The following C5AR2 variants were observed in gnomAD, a reference collection of about 807,000 sequenced individuals.
C5AR2 encodes the protein complement C5a receptor 2.
For missense variants in C5AR2, 458 were observed against 467.5 expected, an observed-to-expected ratio of 0.98 and a Z score of 0.19; for synonymous variants, 224 against 216.5, an observed-to-expected ratio of 1.03 and a Z score of -0.30.
Position 47,346,713 on chromosome 19 carries a change from A to AG in C5AR2, c.*4900_*4901insG. Reference sequence around the variant, plus strand: ...GAGCAAGACTCCGTCTAAAAAAAAAAAATAGTAAGAAAGAAGGAAAGACAC... The same window carrying AG: ...GAGCAAGACTCCGTCTAAAAAAAAAAGAATAGTAAGAAAGAAGGAAAGACAC... On this transcript the variant is annotated 3_prime_UTR_variant, in exon 2 of 2. Coordinates refer to ENST00000595464, the MANE Select transcript of C5AR2 (RefSeq NM_001271749.2). 1 of 152,216 alleles carries AG rather than the reference A, an allele frequency of 6.6e-6. No homozygotes were observed. The highest frequency in any genetic ancestry group is 1.9e-4 in the East Asian group (1 of 5,204). 9.4% of individuals were successfully genotyped at this position (152,216 alleles called of 1,614,324 possible).
chr19:47,333,123 GC>G (rs1467947494), intron 1 of C5AR2, among the ~76,000 whole-genome samples: 2 of 151,888 alleles, frequency 1.3e-5, no homozygotes, highest in African/African-American at 2.4e-5. Context: ...TCCTGCCCCA[GC>G]CTGCTGAGTA....
In C5AR2 at chr19:47,341,336, C is replaced by T; in HGVS notation, c.537C>T (p.His179=). The change falls in exon 2 of 2, where the codon CAC becomes CAT. Residue 179 remains histidine, a synonymous_variant. Coordinates refer to ENST00000595464, the MANE Select transcript of C5AR2 (RefSeq NM_001271749.2). The surrounding 1 kb of genome is among the most constrained non-coding windows in gnomAD (Gnocchi z 4.6). ...SAIYRRLHQE[H]FPARLQCVVD... is the part of the protein sequence containing the mutation. ...TCTACCGCCGGCTGCACCAGGAGCA[C>T]TTCCCAGCCCGGCTGCAGTGTGTGG... 1 of 1,611,888 alleles carries T rather than the reference C, an allele frequency of 6.2e-7. No individual in the cohort carries two copies.
rs1266052420 is a variant in C5AR2 at position 47,345,088 on chromosome 19, A to G, written c.*3275A>G. On this transcript the variant is annotated 3_prime_UTR_variant, in exon 2 of 2. Transcript: ENST00000595464. Reference sequence around the variant, plus strand: ...GTTCCCGGCCTTATCCTTGACTTAGAATACCTAACCTCCTGGGAATGCAGC... The same window carrying G: ...GTTCCCGGCCTTATCCTTGACTTAGGATACCTAACCTCCTGGGAATGCAGC... The G allele has an allele frequency of 6.6e-6, 1 of 152,268 alleles. No individual in the cohort carries two copies. The highest frequency in any genetic ancestry group is 2.1e-4 in the South Asian group (1 of 4,828). The allele number at this position is 152,268 out of a possible 1,614,324, so 9.4% of individuals were successfully genotyped here. A position where few individuals can be genotyped will look rare whatever the true frequency, so the allele number is the denominator to read the frequency against.
chr19:47,338,433 C>A (rs1331764146), intron 1 of C5AR2, among the ~76,000 whole-genome samples: 13 of 91,086 alleles, frequency 1.4e-4, no homozygotes, highest in Non-Finnish European at 2.6e-4. Flanking sequence ...AGTGACAGAG[C>A]AATATCTGTC....
chr19:47,334,441 G>C lies in C5AR2; in HGVS notation c.-16+2092G>C, dbSNP rs79375498. ...AGCCCAGGAGTTTGAGATCAGCCTGGGCAACAGAGTAAGGGCTGTCCATAC... is the reference window on the plus strand; with the variant it reads ...AGCCCAGGAGTTTGAGATCAGCCTGCGCAACAGAGTAAGGGCTGTCCATAC... On this transcript the variant is annotated intron_variant, in intron 1 of 1. Transcript: ENST00000595464. Among the ~76,000 whole-genome samples, 12 of 144,990 alleles carry C rather than the reference G, an allele frequency of 8.3e-5. No individual in the cohort carries two copies. The East Asian group carries it at 2.1e-3, about 25-fold the overall frequency.
rs1330948420 is a variant in C5AR2, at chr19:47,341,000, G to T, written c.201G>T (p.Arg67Ser). 1 of 1,609,856 alleles carries T rather than the reference G, an allele frequency of 6.2e-7. No individual in the cohort carries two copies. Among genetic ancestry groups the T allele is most frequent in the East Asian group, 2.2e-5 (1 of 44,876 alleles). ...AWVAGKVARR[R>S]VGATWLLHLA... is the part of the protein sequence containing the mutation. ...TGGCTGGGAAGGTGGCCCGCCGGAG[G>T]GTGGGTGCCACCTGGTTGCTCCACC... The change falls in exon 2 of 2, where the codon AGG becomes AGT. Residue 67 changes from arginine to serine, a missense_variant. Coordinates refer to ENST00000595464, the MANE Select transcript of C5AR2 (RefSeq NM_001271749.2).
At position 47,341,754 on chromosome 19, in the gene C5AR2, G is replaced by T. The variant is rs529217199; in HGVS notation, c.955G>T (p.Glu319Ter). Residue 319 changes from glutamate to a stop codon, truncating the protein, a stop_gained, in exon 2 of 2, where the codon GAA becomes TAA. Transcript: ENST00000595464. LOFTEE classifies it low-confidence loss of function (END_TRUNC). The surrounding 1 kb of genome is among the most constrained non-coding windows in gnomAD (Gnocchi z 4.6). The part of the protein sequence containing the change: ...WALRESQGQD[E>*]SVDSKKSTSH... Reference sequence around the variant, plus strand: ...CCTGAGGGAGTCCCAGGGCCAGGACGAAAGTGTGGACAGCAAGAAATCCAC... The same window carrying T: ...CCTGAGGGAGTCCCAGGGCCAGGACTAAAGTGTGGACAGCAAGAAATCCAC... The T allele has an allele frequency of 6.2e-7, 1 of 1,613,660 alleles. No homozygotes were observed. Among genetic ancestry groups the T allele is most frequent in the Non-Finnish European group, 8.5e-7 (1 of 1,180,028 alleles).
chr19:47,338,661 A>ATAATAG (rs2059369117), intron 1 of C5AR2, among the ~76,000 whole-genome samples: 1 of 114,124 alleles, frequency 8.8e-6, no homozygotes, highest in South Asian at 2.8e-4. Context: ...CTCCAAAATA[A>ATAATAG]TAATAATAAT....
chr19:47,337,941 G>T (rs1182691233), intron 1 of C5AR2, among the ~76,000 whole-genome samples: 1 of 151,696 alleles, frequency 6.6e-6, no homozygotes, highest in African/African-American at 2.4e-5. Context: ...GGGCATGGTG[G>T]TGCACGCCTG....
rs1428518581 is a variant in C5AR2 at position 47,341,344 on chromosome 19, C to G, written c.545C>G (p.Ala182Gly). 1 of 1,612,010 alleles carries G rather than the reference C, an allele frequency of 6.2e-7. No homozygotes were observed. The highest frequency in any genetic ancestry group is 8.5e-7 in the Non-Finnish European group (1 of 1,179,910). ...CGGCTGCACCAGGAGCACTTCCCAGCCCGGCTGCAGTGTGTGGTGGACTAC... is the reference window on the plus strand; with the variant it reads ...CGGCTGCACCAGGAGCACTTCCCAGGCCGGCTGCAGTGTGTGGTGGACTAC... ...YRRLHQEHFP[A>G]RLQCVVDYGG... The change falls in exon 2 of 2, where the codon GCC becomes GGC. Residue 182 changes from alanine (A) to glycine (G), a missense_variant. By Grantham distance (60) the Ala-to-Gly change is moderately conservative. Coordinates refer to ENST00000595464, the MANE Select transcript of C5AR2 (RefSeq NM_001271749.2). This position sits in a 1 kb window ranked among gnomAD's most constrained non-coding sequence, Gnocchi z 4.6.
At chr19:47,332,749 T>G (rs2059344323) in intron 1 of C5AR2, among the ~76,000 whole-genome samples, 1 of 152,056 alleles carries the variant, frequency 6.6e-6, no homozygotes, top group African/African-American at 2.4e-5. Context: ...AGATGGGGTT[T>G]CTCCATGTTG....
chr19:47,341,847 T>A lies in C5AR2; in HGVS notation c.*34T>A, dbSNP rs758664588. ...GACATTGTGGGTGTGTATCTTCTTA[T>A]CTCATTTCACAAGACTGGCTTCAGG... On this transcript the variant is annotated 3_prime_UTR_variant, in exon 2 of 2. Transcript: ENST00000595464. The surrounding 1 kb of genome is among the most constrained non-coding windows in gnomAD (Gnocchi z 4.6). The A allele has an allele frequency of 1.7e-5, 27 of 1,593,368 alleles. No homozygotes were observed. The highest frequency in any genetic ancestry group is 2.3e-5 in the Non-Finnish European group (27 of 1,164,550).
chr19:47,333,484 G>A (rs1480341045), intron 1 of C5AR2, among the ~76,000 whole-genome samples: 1 of 152,098 alleles, frequency 6.6e-6, no homozygotes, highest in Non-Finnish European at 1.5e-5. Flanking sequence ...ATGTATTCTG[G>A]TGAGCATATG....
intron 1 of C5AR2, among the ~76,000 whole-genome samples, chr19:47,338,916 G>A (rs1369644633): frequency 6.6e-6 from 1 of 151,998 alleles, no homozygotes; most frequent in African/African-American, 2.4e-5. Context: ...CACTTTGGGA[G>A]GCTGAGGCAG....
rs764803148 is a variant in C5AR2 at position 47,341,222 on chromosome 19, G to A, written c.423G>A (p.Trp141Ter). The A allele has an allele frequency of 1.9e-6, 3 of 1,601,564 alleles. No individual in the cohort carries two copies. The highest frequency in any genetic ancestry group is 1.1e-5 in the South Asian group (1 of 91,082). Residue 141 changes from tryptophan to a stop codon, truncating the protein, a stop_gained, in exon 2 of 2, where the codon TGG becomes TGA. Transcript: ENST00000595464. LOFTEE classifies it low-confidence loss of function (END_TRUNC). The surrounding 1 kb of genome is among the most constrained non-coding windows in gnomAD (Gnocchi z 4.6). ...GCTTCCTGGCTCTCGGGCCTGCCTGGTGGTCTACGGTTCAGCGGGCGTGCG... is the reference window on the plus strand; with the variant it reads ...GCTTCCTGGCTCTCGGGCCTGCCTGATGGTCTACGGTTCAGCGGGCGTGCG... ...DLCFLALGPAWWSTVQRACGV... is the reference protein window; with the variant it reads ...DLCFLALGPA
At chr19:47,335,297 G>A (rs73556021) in intron 1 of C5AR2, among the ~76,000 whole-genome samples, 4,464 of 152,104 alleles carry the variant, frequency 0.029, 223 homozygotes, top group African/African-American at 0.1. Context: ...GAGGACGAAT[G>A]GGGTTGATAT....
At chr19:47,336,183 G>A (rs1258051451) in intron 1 of C5AR2, among the ~76,000 whole-genome samples, 2 of 151,828 alleles carry the variant, frequency 1.3e-5, no homozygotes, top group East Asian at 1.9e-4. Flanking sequence ...TCTGCCTCCC[G>A]GGTTCCAGCG....
chr19:47,341,707 T>A lies in C5AR2; in HGVS notation c.908T>A (p.Leu303Gln). 1.9e-6 allele frequency: 3 copies of A among 1,614,028 alleles called. No homozygotes were observed. The highest frequency in any genetic ancestry group is 1.7e-6 in the Non-Finnish European group (2 of 1,180,034). ...GGGAGGGCTCAACTCCGCCGGTCAC[T>A]GCCAGCTGCCTGTCACTGGGCCCTG... ...YFGRAQLRRS[L>Q]PAACHWALRE... is the part of the protein sequence containing the mutation. Residue 303 changes from leucine to glutamine, a missense_variant, in exon 2 of 2, where the codon CTG becomes CAG. Physicochemically the swap from Leu to Gln is moderately radical, Grantham distance 113. Transcript: ENST00000595464. This position sits in a 1 kb window ranked among gnomAD's most constrained non-coding sequence, Gnocchi z 4.6.
intron 1 of C5AR2, among the ~76,000 whole-genome samples, chr19:47,338,067 T>G (rs1234434282): frequency 1.3e-5 from 2 of 149,888 alleles, no homozygotes; most frequent in African/African-American, 5.0e-5. Flanking sequence ...AGAGTGAGAC[T>G]CCGTCTCAAA....
Sources: allele counts gnomAD v4.1 joint callset (sites outside exome capture counted in the v4.1 genomes callset), GRCh38; gene constraint gnomAD v4.1.1; non-coding constraint Gnocchi (gnomAD v3.1); transcripts MANE v1.5; gene names NCBI Gene and HGNC (gene_info 2026-07-23, HGNC 2026-07-21).